SCRG1: variants seen among roughly 807,000 people sequenced by gnomAD.
SCRG1 encodes the protein scrapie-responsive protein 1.
A neutral mutation model predicts 7.7 loss-of-function variants in SCRG1; 3 were observed. That is an observed-to-expected ratio of 0.39 (90% CI 0.18 to 1.01). The LOEUF (loss-of-function observed/expected upper bound fraction) is 1.01. SCRG1 is among the 50% of genes least tolerant of loss of function. SCRG1 has a pLI of 0.36. For missense variants in SCRG1, 110 were observed against 117.2 expected (o/e 0.94, Z 0.28); for synonymous variants, 46 against 41.2 (o/e 1.12, Z -0.44).
the SCRG1 span, among the ~76,000 whole-genome samples, chr4:173,445,823 G>A: frequency 2.0e-4 from 30 of 151,654 alleles, 1 homozygote; most frequent in South Asian, 6.3e-3. Flanking sequence ...ACGCCACCAT[G>A]CCTGGTTAAT....
chr4:173,485,481 A>G, the SCRG1 span, among the ~76,000 whole-genome samples: 1 of 151,672 alleles, frequency 6.6e-6, no homozygotes, highest in Non-Finnish European at 1.5e-5. Context: ...GTGATCCCAG[A>G]CAAACCCAGC....
At chr4:173,498,754 A>G in the SCRG1 span, among the ~76,000 whole-genome samples, 3 of 152,132 alleles carry the variant, frequency 2.0e-5, no homozygotes, top group Non-Finnish European at 4.4e-5. Context: ...GTGTGTGTGT[A>G]TGTATAGATG....
At chr4:173,431,493 G>C in the SCRG1 span, among the ~76,000 whole-genome samples, 1 of 152,200 alleles carries the variant, frequency 6.6e-6, no homozygotes, top group Non-Finnish European at 1.5e-5. Flanking sequence ...ATAAGTACCT[G>C]TTTATAAGTC....
the SCRG1 span, among the ~76,000 whole-genome samples, chr4:173,456,362 G>A: frequency 6.6e-6 from 1 of 152,182 alleles, no homozygotes; most frequent in Admixed American, 6.5e-5. Flanking sequence ...ACATTCAGTT[G>A]TAGATAATTA....
At chr4:173,515,076 A>G in the SCRG1 span, among the ~76,000 whole-genome samples, 1 of 152,206 alleles carries the variant, frequency 6.6e-6, no homozygotes, top group Non-Finnish European at 1.5e-5. This position sits in a 1 kb window ranked among gnomAD's most constrained non-coding sequence, Gnocchi z 4.6. Flanking sequence ...AGGAGAAAGA[A>G]TGGGTCAATG....
rs1433109998 is a variant in SCRG1, at chr4:173,385,832, T to A, written c.*2509A>T. On this transcript the variant is annotated 3_prime_UTR_variant, in exon 3 of 3. Transcript: ENST00000296506. The stretch of plus-strand genomic sequence containing the variant: ...AATGGAGACACTGGATCTTTAATGC[T>A]TTTTCCCCCTCAAGGAGAGTTCCTA... 1 of 152,218 alleles carries A rather than the reference T, an allele frequency of 6.6e-6. No homozygotes were observed. Among genetic ancestry groups the A allele is most frequent in the Non-Finnish European group, 1.5e-5 (1 of 68,032 alleles). 9.4% of individuals were successfully genotyped at this position (152,218 alleles called of 1,614,324 possible). A position where few individuals can be genotyped will look rare whatever the true frequency, so the allele number is the denominator to read the frequency against.
At chr4:173,427,050 A>T in the SCRG1 span, among the ~76,000 whole-genome samples, 1 of 152,220 alleles carries the variant, frequency 6.6e-6, no homozygotes, top group Non-Finnish European at 1.5e-5. Flanking sequence ...CTTCATGAGC[A>T]TATAGACCCT....
chr4:173,410,236 G>C (rs9996723), upstream of SCRG1, among the ~76,000 whole-genome samples: 61,980 of 152,080 alleles, frequency 0.41, 13,322 homozygotes, highest in South Asian at 0.53. Context: ...GCTGTGGTTA[G>C]AAGCCCAATT....
the SCRG1 span, among the ~76,000 whole-genome samples, chr4:173,433,309 A>G: frequency 2.6e-5 from 4 of 152,340 alleles, no homozygotes; most frequent in African/African-American, 9.6e-5. Context: ...TGATCCTTTA[A>G]TATACTAATA....
At chr4:173,486,683 T>A in the SCRG1 span, among the ~76,000 whole-genome samples, 205 of 152,278 alleles carry the variant, frequency 1.3e-3, no homozygotes, top group Middle Eastern at 0.02. Context: ...CGTTGGACCA[T>A]TTACAATAGT....
the SCRG1 span, among the ~76,000 whole-genome samples, chr4:173,489,497 T>C: frequency 6.8e-6 from 1 of 146,900 alleles, no homozygotes; most frequent in Non-Finnish European, 1.5e-5. Flanking sequence ...AAAAAACATA[T>C]GCTGCGTTTC....
At chr4:173,483,675 A>G in the SCRG1 span, among the ~76,000 whole-genome samples, 2 of 15,168 alleles carry the variant, frequency 1.3e-4, 1 homozygote, top group Non-Finnish European at 2.8e-4. Flanking sequence ...TATAATATAT[A>G]TGATATATTA....
the SCRG1 span, among the ~76,000 whole-genome samples, chr4:173,518,538 C>T: frequency 6.6e-6 from 1 of 152,138 alleles, no homozygotes; most frequent in African/African-American, 2.4e-5. Flanking sequence ...TCTCTATGCT[C>T]CCCCTCTCAC....
intron 1 of SCRG1, among the ~76,000 whole-genome samples, chr4:173,396,201 A>G (rs1739598042): frequency 6.6e-6 from 1 of 152,242 alleles, no homozygotes; most frequent in Admixed American, 6.5e-5. Flanking sequence ...GAATCCAGAA[A>G]TGAGTTTTTA....
At chr4:173,399,041 G>GT (rs1300845062) in intron 1 of SCRG1, 27 bp downstream of exon 1, 1 of 152,178 alleles carries the variant, frequency 6.6e-6, no homozygotes, top group Admixed American at 6.5e-5. Flanking sequence ...GACATAAGAT[G>GT]TTTTTTATAG....
the SCRG1 span, among the ~76,000 whole-genome samples, chr4:173,421,098 C>G: frequency 1.7e-4 from 26 of 151,876 alleles, no homozygotes; most frequent in Non-Finnish European, 3.1e-4. Context: ...GGTATGTAAC[C>G]ACAGATATGG....
chr4:173,421,417 G>GT, the SCRG1 span, among the ~76,000 whole-genome samples: 29 of 25,654 alleles, frequency 1.1e-3, no homozygotes, highest in Non-Finnish European at 2.8e-3. Context: ...TTAGTTTGTT[G>GT]GGGGGGGGTT....
chr4:173,487,383 T>C, the SCRG1 span, among the ~76,000 whole-genome samples: 3 of 152,222 alleles, frequency 2.0e-5, no homozygotes, highest in Non-Finnish European at 4.4e-5. Context: ...TGATTGTTGA[T>C]ATTAATCTCA....
At chr4:173,430,000 GT>G in the SCRG1 span, among the ~76,000 whole-genome samples, 143,496 of 149,854 alleles carry the variant, frequency 0.96, 68,967 homozygotes, top group Non-Finnish European at 1. Flanking sequence ...ATGGCTATGG[GT>G]TTTTTTTTTT....
Sources: gnomAD v4.1 joint callset for allele counts (sites outside exome capture counted in the v4.1 genomes callset) on GRCh38, gnomAD v4.1.1 for gene constraint, Gnocchi (gnomAD v3.1) non-coding constraint, MANE v1.5 for transcripts, NCBI Gene and HGNC (gene_info 2026-07-23, HGNC 2026-07-21) for gene names.